The following TNPO2 variants were observed in gnomAD, a reference collection of about 807,000 sequenced individuals.
TNPO2 encodes the protein transportin-2.
A neutral mutation model predicts 111.1 loss-of-function variants in TNPO2; 16 were observed. The ratio of observed to expected loss-of-function variants is 0.14; its 90% CI spans 0.10 to 0.22. The LOEUF is 0.22. Ranked by LOEUF, TNPO2 falls within the 10% of genes least tolerant of loss-of-function variation. The pLI is 1.00. For missense variants in TNPO2, 530 were observed against 1,173.7 expected (o/e 0.45, Z 8.01); for synonymous variants, 481 against 475.8 (o/e 1.01, Z -0.14).
intron 13 of TNPO2, among the ~76,000 whole-genome samples, chr19:12,708,437 T>G (rs2025834887): frequency 6.6e-6 from 1 of 151,974 alleles, no homozygotes; most frequent in African/African-American, 2.4e-5. Context: ...CAGGGTTTTT[T>G]TTTTTTTTTA....
At position 12,715,871 on chromosome 19, in the gene TNPO2, T is replaced by C; in HGVS notation, c.326-132A>G. 4.5e-6 allele frequency: 3 copies of C among 666,860 alleles called. No homozygotes were observed. Among genetic ancestry groups the C allele is most frequent in the African/African-American group, 3.7e-5 (2 of 54,524 alleles). The allele number at this position is 666,860 out of a possible 1,614,324, so 41.3% of individuals were successfully genotyped here. A position where few individuals can be genotyped will look rare whatever the true frequency, so the allele number is the denominator to read the frequency against. ...GTACGCCCTCTACATCCCCCCTCCTTTTTTTTTTCTTTGTAAGAGATAGAA... is the reference window on the plus strand; with the variant it reads ...GTACGCCCTCTACATCCCCCCTCCTCTTTTTTTTCTTTGTAAGAGATAGAA... On this transcript the variant is annotated intron_variant, in intron 5 of 25. Coordinates refer to ENST00000425528, the MANE Select transcript of TNPO2 (RefSeq NM_001382241.1). This position sits in a 1 kb window ranked among gnomAD's most constrained non-coding sequence, Gnocchi z 7.1.
Position 12,701,992 on chromosome 19 carries a change from G to C in TNPO2, c.2411+80C>G, listed in dbSNP as rs1456537346. 5 of 1,479,904 alleles carry C rather than the reference G, an allele frequency of 3.4e-6. No homozygotes were observed. The highest frequency in any genetic ancestry group is 4.7e-6 in the Non-Finnish European group (5 of 1,059,708). The allele number at this position is 1,479,904 out of a possible 1,614,324, so 91.7% of individuals were successfully genotyped here. ...AGGGCAGGGAGTCAGTAGGCAGATG[G>C]GGCTGGAAATGCACAGGCGAGGGAG... On this transcript the variant is annotated intron_variant, in intron 22 of 25. Coordinates refer to ENST00000425528, the MANE Select transcript of TNPO2 (RefSeq NM_001382241.1). The surrounding 1 kb of genome is among the most constrained non-coding windows in gnomAD (Gnocchi z 5.0).
chr19:12,711,316 G>A lies in TNPO2; in HGVS notation c.1097C>T (p.Ala366Val). The A allele has an allele frequency of 1.9e-6, 3 of 1,613,882 alleles. No individual in the cohort carries two copies. The highest frequency in any genetic ancestry group is 2.5e-6 in the Non-Finnish European group (3 of 1,179,844). Residue 366 changes from alanine (A) to valine (V), a missense_variant, in exon 12 of 26, where the codon GCT (alanine) becomes GTT (valine). This residue lies in a region of TNPO2 where 88 missense variants were observed against 130.2 expected (regional missense o/e 0.68). Transcript: ENST00000425528. ...EDAEDDDDDD[A>V]LSDWNLRKCS... ...CACACTCAAATTCCAGTCGGACAGA[G>A]CATCATCATCATCGTCATCCTCCGC... is the stretch of plus-strand genomic sequence containing the variant.
rs2026543504 is a variant in TNPO2 at position 12,719,388 on chromosome 19, C to A, written c.100-52G>T. On this transcript the variant is annotated intron_variant, in intron 3 of 25. Coordinates refer to ENST00000425528, the MANE Select transcript of TNPO2 (RefSeq NM_001382241.1). The surrounding 1 kb of genome is among the most constrained non-coding windows in gnomAD (Gnocchi z 5.0). ...GACAGAGGCCTTCCCCCAGCCAGGT[C>A]CCCTCATTATGTACCTGACACTATC... 6.6e-7 allele frequency: 1 copy of A among 1,515,976 alleles called. No homozygotes were observed. The highest frequency in any genetic ancestry group is 1.1e-5 in the South Asian group (1 of 87,848). 93.9% of individuals were successfully genotyped at this position (1,515,976 alleles called of 1,614,324 possible). A position where few individuals can be genotyped will look rare whatever the true frequency, so the allele number is the denominator to read the frequency against.
intron 5 of TNPO2, among the ~76,000 whole-genome samples, chr19:12,716,188 G>A (rs756029547): frequency 2.6e-5 from 4 of 152,132 alleles, no homozygotes; most frequent in Admixed American, 1.3e-4. Flanking sequence ...AGGTAGAAGG[G>A]TACTCCTTGA....
At position 12,706,126 on chromosome 19, in the gene TNPO2, G is replaced by A; in HGVS notation, c.1668+70C>T. The A allele has an allele frequency of 6.5e-7, 1 of 1,550,314 alleles. No homozygotes were observed. The highest frequency in any genetic ancestry group is 1.2e-5 in the South Asian group (1 of 83,726). The stretch of plus-strand genomic sequence containing the variant: ...GCCACGTCCCTGGCGTGCAACACGG[G>A]GTTGCCACCAGGTCACTGGATGCCC... On this transcript the variant is annotated intron_variant, in intron 15 of 25. Transcript: ENST00000425528. This position sits in a 1 kb window ranked among gnomAD's most constrained non-coding sequence, Gnocchi z 7.0.
chr19:12,718,851 G>A (rs1375935007), intron 5 of TNPO2, among the ~76,000 whole-genome samples, 178 bp downstream of exon 5: 1 of 152,148 alleles, frequency 6.6e-6, no homozygotes, highest in African/African-American at 2.4e-5. Flanking sequence ...GACTTCTGCT[G>A]CTTACCCAGA....
chr19:12,711,096 G>A, intron 12 of TNPO2, 200 bp downstream of exon 12: 1 of 677,084 alleles, frequency 1.5e-6, no homozygotes, highest in South Asian at 1.9e-5. Flanking sequence ...GGGTTTCACT[G>A]TGTTAGCCAG....
chr19:12,703,494 T>A lies in TNPO2; in HGVS notation c.2143A>T (p.Asn715Tyr), dbSNP rs1348694909. ...TTGCAGACGGAGATGAACTCTGGGTTCAGGTTGGTGCCCAGAATGGGCATG... is the reference window on the plus strand; with the variant it reads ...TTGCAGACGGAGATGAACTCTGGGTACAGGTTGGTGCCCAGAATGGGCATG... ...EFMPILGTNL[N>Y]PEFISVCNNA... is the part of the protein sequence containing the mutation. The change falls in exon 20 of 26, where the codon AAC becomes TAC. Residue 715 changes from asparagine (N) to tyrosine (Y), a missense_variant. Coordinates refer to ENST00000425528, the MANE Select transcript of TNPO2 (RefSeq NM_001382241.1). The A allele has an allele frequency of 1.2e-6, 2 of 1,613,982 alleles. No homozygotes were observed. The highest frequency in any genetic ancestry group is 1.7e-6 in the Non-Finnish European group (2 of 1,179,878).
rs2025183483 is a variant in TNPO2 at position 12,699,546 on chromosome 19, G to C, written c.*1718C>G. 1 of 152,306 alleles carries C rather than the reference G, an allele frequency of 6.6e-6. No individual in the cohort carries two copies. Among genetic ancestry groups the C allele is most frequent in the Non-Finnish European group, 1.5e-5 (1 of 68,844 alleles). 9.4% of individuals were successfully genotyped at this position (152,306 alleles called of 1,614,324 possible). On this transcript the variant is annotated 3_prime_UTR_variant, in exon 26 of 26. Transcript: ENST00000425528. ...TTTGTATCCCCCCATCTTGAGTAGCGAGGGGTTACCAATCCCATCAGACAG... is the reference window on the plus strand; with the variant it reads ...TTTGTATCCCCCCATCTTGAGTAGCCAGGGGTTACCAATCCCATCAGACAG...
rs2025179107 is a variant in TNPO2, at chr19:12,699,467, A to ATT, written c.*1796_*1797insAA. ...AAAAAATTAAATAGTTTTTTTTTAA[A>ATT]AAAAAAAAAAAAAAGGAAAACGAGA... On this transcript the variant is annotated 3_prime_UTR_variant, in exon 26 of 26. Coordinates refer to ENST00000425528, the MANE Select transcript of TNPO2 (RefSeq NM_001382241.1). 1 of 127,674 alleles carries ATT rather than the reference A, an allele frequency of 7.8e-6. No individual in the cohort carries two copies. The highest frequency in any genetic ancestry group is 1.5e-5 in the Non-Finnish European group (1 of 66,828). 7.9% of individuals were successfully genotyped at this position (127,674 alleles called of 1,614,324 possible).
chr19:12,718,524 T>C (rs955683997), intron 5 of TNPO2, among the ~76,000 whole-genome samples: 4 of 152,140 alleles, frequency 2.6e-5, no homozygotes, highest in African/African-American at 9.7e-5. Flanking sequence ...CAGGCTGGTA[T>C]TGAACTCAAC....
intron 5 of TNPO2, among the ~76,000 whole-genome samples, chr19:12,717,415 G>A (rs1290049112): frequency 1.3e-5 from 2 of 151,814 alleles, no homozygotes; most frequent in African/African-American, 2.4e-5. Flanking sequence ...GGGATTACAG[G>A]TGCCCGCTGC....
In TNPO2 at chr19:12,721,191, C is replaced by G. The variant is rs563964275; in HGVS notation, c.-13-201G>C. On this transcript the variant is annotated intron_variant, in intron 2 of 25. Transcript: ENST00000425528. The surrounding 1 kb of genome is among the most constrained non-coding windows in gnomAD (Gnocchi z 4.9). ...GGCCGCGCAGTCGCGGGCTCGGGAG[C>G]GCGGGAGGGGGGATGTGGAAACGGG... 2 of 1,382,486 alleles carry G rather than the reference C, an allele frequency of 1.4e-6. No individual in the cohort carries two copies. Among genetic ancestry groups the G allele is most frequent in the South Asian group, 3.1e-5 (2 of 64,118 alleles). The allele number at this position is 1,382,486 out of a possible 1,614,324, so 85.6% of individuals were successfully genotyped here.
At chr19:12,713,557 T>C (rs2026189672) in intron 10 of TNPO2, among the ~76,000 whole-genome samples, 1 of 151,962 alleles carries the variant, frequency 6.6e-6, no homozygotes. Flanking sequence ...ACGCCTGTAA[T>C]CCTAGCACTT....
chr19:12,718,494 C>T (rs527802767), intron 5 of TNPO2, among the ~76,000 whole-genome samples: 77 of 151,912 alleles, frequency 5.1e-4, no homozygotes, highest in African/African-American at 1.7e-3. Context: ...TAAGTAGAGA[C>T]GGGGTTTCAC....
chr19:12,710,468 G>A (rs902800850), intron 13 of TNPO2, among the ~76,000 whole-genome samples, 153 bp downstream of exon 13: 4 of 152,198 alleles, frequency 2.6e-5, no homozygotes, highest in African/African-American at 9.7e-5. Flanking sequence ...TTCCTTTCAG[G>A]CCCAGGAACC....
At chr19:12,713,196 G>A (rs968463503) in intron 10 of TNPO2, among the ~76,000 whole-genome samples, 4 of 152,156 alleles carry the variant, frequency 2.6e-5, no homozygotes, top group African/African-American at 9.7e-5. Flanking sequence ...TCCTGAGATA[G>A]GGCAGAGACT....
rs1231739031 is a variant in TNPO2, at chr19:12,719,969, TAA to T, written c.100-635_100-634del. Among the ~76,000 whole-genome samples the T allele has an allele frequency of 6.6e-6, 1 of 150,940 alleles. No individual in the cohort carries two copies. The highest frequency in any genetic ancestry group is 1.5e-5 in the Non-Finnish European group (1 of 67,770). On this transcript the variant is annotated intron_variant, in intron 3 of 25. Transcript: ENST00000425528. This position sits in a 1 kb window ranked among gnomAD's most constrained non-coding sequence, Gnocchi z 5.0. ...GCCATGAAGACTTTTTTTTTTTTTT[TAA>T]AAGAGGGAATCCAAATTTTGGGGTG...
Sources: allele counts gnomAD v4.1 joint callset (sites outside exome capture counted in the v4.1 genomes callset), GRCh38; gene constraint gnomAD v4.1.1; regional missense constraint gnomAD v4.1.1; non-coding constraint Gnocchi (gnomAD v3.1); transcripts MANE v1.5; gene names NCBI Gene and HGNC (gene_info 2026-07-23, HGNC 2026-07-21).